The following CTNND2 variants were observed in gnomAD, a reference collection of about 807,000 sequenced individuals.
CTNND2 encodes catenin delta 2, also known as catenin delta-2.
A neutral mutation model predicts 144.4 loss-of-function variants in CTNND2; 22 were observed. That is an observed-to-expected ratio of 0.15 (90% CI 0.11 to 0.22). The LOEUF (loss-of-function observed/expected upper bound fraction) is 0.22, where lower values mean the gene tolerates loss of function less well. CTNND2 is among the 10% of genes least tolerant of loss of function. The probability of loss-of-function intolerance (pLI) is 1.00; values close to 1 mark genes in which losing one functional copy is unlikely to be tolerated. For synonymous variants in CTNND2, 751 were observed against 695.6 expected, an observed-to-expected ratio of 1.08 and a Z score of -1.25; for missense variants, 1,353 against 1,618.8, an observed-to-expected ratio of 0.84 and a Z score of 2.82.
chr5:11,373,629 A>T (rs765792661), intron 7 of CTNND2, among the ~76,000 whole-genome samples: 5 of 152,126 alleles, frequency 3.3e-5, no homozygotes, highest in Non-Finnish European at 7.4e-5. Flanking sequence ...CAGGGAATGG[A>T]ATAGTTCAAA....
chr5:11,073,452 T>C (rs1748569650), intron 16 of CTNND2, among the ~76,000 whole-genome samples: 1 of 152,228 alleles, frequency 6.6e-6, no homozygotes, highest in Non-Finnish European at 1.5e-5. Context: ...CTCTAAGCCT[T>C]TGGGCAGAAG....
intron 16 of CTNND2, among the ~76,000 whole-genome samples, chr5:11,032,394 T>C (rs982082825): frequency 6.6e-6 from 1 of 152,234 alleles, no homozygotes; most frequent in Non-Finnish European, 1.5e-5. Flanking sequence ...TAGAAATCTG[T>C]CATTTGCACA....
rs572106111 is a variant in CTNND2, at chr5:11,553,386, T to C, written c.287+11558A>G. Among the ~76,000 whole-genome samples, 3 of 152,348 alleles carry C rather than the reference T, an allele frequency of 2.0e-5. No individual in the cohort carries two copies. The South Asian group carries it at 6.2e-4, about 32-fold the overall frequency. ...CACAATGAGAGGAACAATTTTATAA[T>C]CTTCTGTAGAAAAATTAGAAAAGAG... is the stretch of plus-strand genomic sequence containing the variant. On this transcript the variant is annotated intron_variant, in intron 3 of 21. Coordinates refer to ENST00000304623, the MANE Select transcript of CTNND2 (RefSeq NM_001332.4).
chr5:11,625,389 A>ATCTCTC (rs57148533), intron 2 of CTNND2, among the ~76,000 whole-genome samples: 12,476 of 140,342 alleles, frequency 0.089, 614 homozygotes, highest in Middle Eastern at 0.14. Flanking sequence ...AAACAGAAAA[A>ATCTCTC]TCTCTCTCTC....
At chr5:11,037,340 C>A (rs549028830) in intron 16 of CTNND2, among the ~76,000 whole-genome samples, 2 of 152,324 alleles carry the variant, frequency 1.3e-5, no homozygotes, top group Non-Finnish European at 2.9e-5. Context: ...CTGCCAAAAC[C>A]ATGCGTCAGT....
At chr5:11,397,248 A>T (rs1289453388) in intron 5 of CTNND2, 45 bp from the exon 6 acceptor site, 2 of 1,544,296 alleles carry the variant, frequency 1.3e-6, no homozygotes, top group Non-Finnish European at 1.8e-6. Context: ...GTCTCAGTGA[A>T]GCAGAAATGA....
At chr5:11,477,172 A>G (rs1015139055) in intron 3 of CTNND2, among the ~76,000 whole-genome samples, 1 of 152,146 alleles carries the variant, frequency 6.6e-6, no homozygotes, top group Admixed American at 6.5e-5. Context: ...GCAGGTCATG[A>G]TTTATCCCAC....
chr5:11,698,218 G>A (rs893404690), intron 2 of CTNND2, among the ~76,000 whole-genome samples: 4 of 151,832 alleles, frequency 2.6e-5, no homozygotes, highest in Admixed American at 6.5e-5. Context: ...CCCCAACCAA[G>A]CCCTCCATGA....
intron 1 of CTNND2, among the ~76,000 whole-genome samples, chr5:11,758,417 A>G (rs1258624238): frequency 1.3e-5 from 2 of 151,962 alleles, no homozygotes; most frequent in Non-Finnish European, 1.5e-5. Flanking sequence ...TTTAGTCACT[A>G]TTCTGTATAA....
chr5:11,228,353 CAAAAAAAAAAAAAAA>C (rs564048343), intron 10 of CTNND2, among the ~76,000 whole-genome samples: 1,826 of 26,780 alleles, frequency 0.068, 67 homozygotes, highest in African/African-American at 0.18. Flanking sequence ...CTCTCTCTCT[CAAAAAAAAAAAAAAA>C]AAAAAAAAAA....
intron 16 of CTNND2, among the ~76,000 whole-genome samples, chr5:11,034,929 A>T (rs910470514): frequency 4.0e-5 from 6 of 151,718 alleles, no homozygotes; most frequent in Non-Finnish European, 1.5e-5. Context: ...TGTGCAGGTT[A>T]GTTACATATG....
At chr5:11,603,327 C>G (rs1466727262) in intron 2 of CTNND2, among the ~76,000 whole-genome samples, 1 of 152,128 alleles carries the variant, frequency 6.6e-6, no homozygotes, top group Admixed American at 6.6e-5. Flanking sequence ...ATGAACCATC[C>G]CATGAAACAA....
intron 2 of CTNND2, among the ~76,000 whole-genome samples, chr5:11,675,634 G>T (rs1784135281): frequency 6.6e-6 from 1 of 151,920 alleles, no homozygotes; most frequent in Admixed American, 6.6e-5. Context: ...AGATTTTAAT[G>T]TAGCAACATT....
chr5:11,007,960 T>G (rs1378765481), intron 18 of CTNND2, among the ~76,000 whole-genome samples: 1 of 152,182 alleles, frequency 6.6e-6, no homozygotes, highest in South Asian at 2.1e-4. Context: ...CATTCTTGTC[T>G]CTAAAAGAAA....
chr5:11,676,836 T>G (rs543103743), intron 2 of CTNND2, among the ~76,000 whole-genome samples: 1 of 152,356 alleles, frequency 6.6e-6, no homozygotes, highest in South Asian at 2.1e-4. Flanking sequence ...ACATTTCTTA[T>G]GAAATCTATG....
intron 13 of CTNND2, among the ~76,000 whole-genome samples, chr5:11,115,028 G>C (rs1369822209): frequency 6.6e-6 from 1 of 152,174 alleles, no homozygotes; most frequent in African/African-American, 2.4e-5. Context: ...AGTTGGATAT[G>C]GTGCTCCAGC....
intron 18 of CTNND2, among the ~76,000 whole-genome samples, chr5:10,997,226 C>G (rs537678517): frequency 6.6e-6 from 1 of 152,082 alleles, no homozygotes; most frequent in South Asian, 2.1e-4. Flanking sequence ...AGCAGTCTTA[C>G]CAAAAACACG....
rs1249429741 is a variant in CTNND2 at position 11,383,442 on chromosome 5, C to T, written c.1177+1223G>A. ...CAGCATGAAGATTTAGGTACTCATA[C>T]TGGGTTGGCACTAATAATTGTCTAC... On this transcript the variant is annotated intron_variant, in intron 7 of 21. Transcript: ENST00000304623. 3.3e-5 allele frequency among the ~76,000 whole-genome samples: 5 copies of T among 152,178 alleles called. No homozygotes were observed. In the East Asian group the frequency reaches 9.6e-4, roughly 29 times the overall value.
At chr5:11,370,700 T>C (rs538762306) in intron 7 of CTNND2, among the ~76,000 whole-genome samples, 2 of 152,362 alleles carry the variant, frequency 1.3e-5, no homozygotes, top group East Asian at 1.9e-4. Flanking sequence ...CATTTTGCAG[T>C]ATCAATATAG....
Sources: gnomAD v4.1 joint callset for allele counts (sites outside exome capture counted in the v4.1 genomes callset) on GRCh38, gnomAD v4.1.1 for gene constraint, MANE v1.5 for transcripts, NCBI Gene and HGNC (gene_info 2026-07-23, HGNC 2026-07-21) for gene names.